Variants in IRAG1 observed in about 807,000 individuals in gnomAD.
The protein encoded by IRAG1 is IP3R-associated cGMP kinase substrate.
IRAG1 carries 62 observed loss-of-function variants against 106.2 expected under a neutral mutation model. The ratio of observed to expected loss-of-function variants is 0.58; its 90% CI spans 0.48 to 0.72. The LOEUF (loss-of-function observed/expected upper bound fraction) is 0.72, where lower values mean the gene tolerates loss of function less well. Among genes scored for constraint, IRAG1 ranks in the 30% least tolerant of loss-of-function variants. The pLI, the probability that IRAG1 is intolerant of heterozygous loss-of-function variation, is 0.00. For missense variants in IRAG1, 1,064 were observed against 1,140.7 expected, an observed-to-expected ratio of 0.93 and a Z score of 0.97; for synonymous variants, 462 against 443.9, an observed-to-expected ratio of 1.04 and a Z score of -0.51.
intron 18 of IRAG1, 124 bp from the exon 19 acceptor site, chr11:10,582,110 C>T (rs1397550969): frequency 8.3e-7 from 1 of 1,200,300 alleles, no homozygotes; most frequent in Non-Finnish European, 1.1e-6. Flanking sequence ...CAGTAACTTT[C>T]AGATTTTTTC....
At position 10,604,485 on chromosome 11, in the gene IRAG1, TTC is replaced by T; in HGVS notation, c.1661_1662del (p.Arg554AsnfsTer2). ...FRNDSYTLES[R>X]INQAERERNL... ...TTGCGTTCCCTTTCAGCCTGGTTAA[TTC>T]TAGATTCCAGAGTGTAGCTGTCATT... On this transcript the variant is annotated frameshift_variant, in exon 13 of 21. Coordinates refer to ENST00000423302, the MANE Select transcript of IRAG1 (RefSeq NM_130385.4). LOFTEE classifies it high-confidence loss of function. 6.2e-7 allele frequency: 1 copy of T among 1,614,062 alleles called. No individual in the cohort carries two copies. Among genetic ancestry groups the T allele is most frequent in the Non-Finnish European group, 8.5e-7 (1 of 1,179,902 alleles).
chr11:10,602,667 C>T (rs1025703606), intron 14 of IRAG1, among the ~76,000 whole-genome samples: 22 of 152,150 alleles, frequency 1.4e-4, no homozygotes, highest in Non-Finnish European at 2.9e-4. Context: ...TTTAATGAGA[C>T]AAAGCAGGTT....
At chr11:10,631,879 A>G (rs10840450) in intron 4 of IRAG1, 112 bp downstream of exon 4, 463,904 of 804,020 alleles carry the variant, frequency 0.58, 135,138 homozygotes, top group East Asian at 0.7. Context: ...GTCCTGTTGG[A>G]CTTATCGGGA....
chr11:10,687,583 G>A (rs912455665), intron 1 of IRAG1: 47 of 1,006,370 alleles, frequency 4.7e-5, no homozygotes, highest in Non-Finnish European at 6.0e-5. Context: ...TTCCCAACAA[G>A]CCTTAAAGCT....
At chr11:10,672,774 AG>A (rs1234795007) in intron 1 of IRAG1, among the ~76,000 whole-genome samples, 2 of 152,230 alleles carry the variant, frequency 1.3e-5, no homozygotes, top group African/African-American at 4.8e-5. Context: ...GTTCCTCAAA[AG>A]GTTGAACATA....
chr11:10,645,532 C>T (rs372454554), intron 2 of IRAG1, among the ~76,000 whole-genome samples: 2 of 152,240 alleles, frequency 1.3e-5, no homozygotes, highest in African/African-American at 4.8e-5. Flanking sequence ...GGATAAGATA[C>T]CTAACTGCTC....
chr11:10,588,021 C>T (rs1166428402), intron 18 of IRAG1, among the ~76,000 whole-genome samples: 3 of 152,180 alleles, frequency 2.0e-5, no homozygotes, highest in Non-Finnish European at 2.9e-5. Flanking sequence ...ATTATTAATA[C>T]AAAGCAATTA....
intron 1 of IRAG1, 21 bp from the exon 2 acceptor site, chr11:10,652,203 C>T (rs1245171964): frequency 1.2e-6 from 2 of 1,613,240 alleles, no homozygotes; most frequent in Non-Finnish European, 1.7e-6. Flanking sequence ...GCCAAAAGGA[C>T]AAGTCAAATC....
chr11:10,574,896 G>A lies in IRAG1; in HGVS notation c.*1436C>T, dbSNP rs1385711817. The stretch of plus-strand genomic sequence containing the variant: ...CCTTGTCAAGTTACTTGTTCTTTTT[G>A]TGCTTCAGTTTCCTTATTTGAAAAT... On this transcript the variant is annotated 3_prime_UTR_variant, in exon 21 of 21. Transcript: ENST00000423302. 6.6e-6 allele frequency: 1 copy of A among 152,074 alleles called. No individual in the cohort carries two copies. Among genetic ancestry groups the A allele is most frequent in the Non-Finnish European group, 1.5e-5 (1 of 68,028 alleles). The allele number at this position is 152,074 out of a possible 1,614,324, so 9.4% of individuals were successfully genotyped here.
chr11:10,684,627 A>ATAC (rs1169315077), intron 1 of IRAG1, among the ~76,000 whole-genome samples: 1 of 148,268 alleles, frequency 6.7e-6, no homozygotes, highest in Non-Finnish European at 1.5e-5. Context: ...AATAATAATA[A>ATAC]TAATAATAAT....
At chr11:10,643,892 T>A (rs80049899) in intron 2 of IRAG1, among the ~76,000 whole-genome samples, 1,777 of 152,350 alleles carry the variant, frequency 0.012, 46 homozygotes, top group African/African-American at 0.04. Flanking sequence ...ATCTGTTTCA[T>A]TGCTCACAAT....
Position 10,628,694 on chromosome 11 carries a change from G to A in IRAG1, c.652+57C>T. On this transcript the variant is annotated intron_variant, in intron 6 of 20. Coordinates refer to ENST00000423302, the MANE Select transcript of IRAG1 (RefSeq NM_130385.4). The surrounding 1 kb of genome is among the most constrained non-coding windows in gnomAD (Gnocchi z 4.1). ...GGAGGCATGCTGATCTGTCCAGGCT[G>A]AGCTGCCACCCAGAGCGAGAGGCAG... is the stretch of plus-strand genomic sequence containing the variant. The A allele has an allele frequency of 7.1e-7, 1 of 1,401,952 alleles. No individual in the cohort carries two copies. The highest frequency in any genetic ancestry group is 1.4e-5 in the South Asian group (1 of 72,018). The allele number at this position is 1,401,952 out of a possible 1,614,324, so 86.8% of individuals were successfully genotyped here.
chr11:10,591,499 A>T, intron 18 of IRAG1, 49 bp downstream of exon 18: 1 of 1,508,096 alleles, frequency 6.6e-7, no homozygotes, highest in Non-Finnish European at 9.1e-7. Context: ...AAAATGGGGA[A>T]AATTTCCTGA....
At chr11:10,667,676 T>A (rs559768535) in intron 1 of IRAG1, among the ~76,000 whole-genome samples, 28 of 152,278 alleles carry the variant, frequency 1.8e-4, no homozygotes, top group Admixed American at 1.6e-3. Context: ...TTCTAAAACA[T>A]AGGTGTGGTC....
intron 2 of IRAG1, among the ~76,000 whole-genome samples, chr11:10,648,463 T>G (rs1858159744): frequency 6.6e-6 from 1 of 152,224 alleles, no homozygotes; most frequent in Non-Finnish European, 1.5e-5. Context: ...GTTCAAAAAA[T>G]TCCCAGGGTG....
chr11:10,586,862 T>C (rs1366992059), intron 18 of IRAG1, among the ~76,000 whole-genome samples: 1 of 152,212 alleles, frequency 6.6e-6, no homozygotes, highest in East Asian at 1.9e-4. Flanking sequence ...TGGCATACAG[T>C]AGGTGCCTTT....
At chr11:10,629,493 C>A in intron 5 of IRAG1, 45 bp downstream of exon 5, 1 of 1,589,122 alleles carries the variant, frequency 6.3e-7, no homozygotes, top group Non-Finnish European at 8.6e-7. Flanking sequence ...CCCTCCCGAC[C>A]CTAGAGGGGC....
chr11:10,650,684 A>T (rs1858407687), intron 2 of IRAG1, among the ~76,000 whole-genome samples: 1 of 152,100 alleles, frequency 6.6e-6, no homozygotes, highest in Non-Finnish European at 1.5e-5. Context: ...GGAACTTGGC[A>T]CCCTCAGCAG....
chr11:10,634,687 T>C (rs1019214115), intron 2 of IRAG1, among the ~76,000 whole-genome samples: 9 of 151,802 alleles, frequency 5.9e-5, no homozygotes, highest in African/African-American at 2.2e-4. Context: ...CATAGTGTCC[T>C]GCAGGCTCAC....
Sources: gnomAD v4.1 joint callset for allele counts (sites outside exome capture counted in the v4.1 genomes callset) on GRCh38, gnomAD v4.1.1 for gene constraint, Gnocchi (gnomAD v3.1) non-coding constraint, MANE v1.5 for transcripts, NCBI Gene and HGNC (gene_info 2026-07-23, HGNC 2026-07-21) for gene names.